The following BCR variants were observed in gnomAD, a reference collection of about 807,000 sequenced individuals.
The protein encoded by BCR is BCR activator of RhoGEF and GTPase.
BCR carries 58 observed loss-of-function variants against 138.6 expected under a neutral mutation model. The ratio of observed to expected loss-of-function variants is 0.42; its 90% CI spans 0.34 to 0.52. The LOEUF (loss-of-function observed/expected upper bound fraction) is 0.52. Ranked by LOEUF, BCR falls within the 20% of genes least tolerant of loss-of-function variation. BCR has a pLI of 0.06. For missense variants in BCR, 1,599 were observed against 1,727.2 expected (o/e 0.93, Z 1.32); for synonymous variants, 786 against 730.1 (o/e 1.08, Z -1.23).
chr22:23,210,398 C>CA (rs1273196249), intron 1 of BCR, among the ~76,000 whole-genome samples: 1 of 143,258 alleles, frequency 7.0e-6, no homozygotes, highest in East Asian at 2.0e-4. Flanking sequence ...GCCTGGGTGA[C>CA]AGAGTAAGAC....
rs116559153 is a variant in BCR at position 23,223,366 on chromosome 22, A to C, written c.1280-30433A>C. On this transcript the variant is annotated intron_variant, in intron 1 of 22. Transcript: ENST00000305877. ...TGTCCATGTATGGCTGTGTGAGTGC[A>C]TGTGCCTGTGTGTGGCCCATTGGGG... Among the ~76,000 whole-genome samples, 794 of 152,236 alleles carry C rather than the reference A, an allele frequency of 5.2e-3. 6 individuals are homozygous for C. The highest frequency in any genetic ancestry group is 0.018 in the African/African-American group (756 of 41,526).
intron 16 of BCR, among the ~76,000 whole-genome samples, chr22:23,299,598 T>C (rs1031292944): frequency 1.3e-5 from 2 of 152,110 alleles, no homozygotes; most frequent in African/African-American, 4.8e-5. Flanking sequence ...CTTTGTCCAG[T>C]TCATTCTCTG....
At chr22:23,304,811 A>G (rs937392012) in intron 16 of BCR, among the ~76,000 whole-genome samples, 4 of 152,194 alleles carry the variant, frequency 2.6e-5, no homozygotes, top group Non-Finnish European at 5.9e-5. Context: ...GAAGAGAAGC[A>G]AAGAGTTAAA....
At chr22:23,282,618 C>G (rs1461249007) in intron 8 of BCR, among the ~76,000 whole-genome samples, 1 of 152,228 alleles carries the variant, frequency 6.6e-6, no homozygotes, top group African/African-American at 2.4e-5. Context: ...GAACCTCAGG[C>G]TGCAGGTGAC....
rs192662014 is a variant in BCR at position 23,314,802 on chromosome 22, T to G, written c.3726+88T>G. 2.3e-3 allele frequency: 3,473 copies of G among 1,500,760 alleles called. 10 individuals are homozygous for G. The highest frequency in any genetic ancestry group is 0.015 in the Admixed American group (882 of 56,916). 93.0% of individuals were successfully genotyped at this position (1,500,760 alleles called of 1,614,324 possible). A position where few individuals can be genotyped will look rare whatever the true frequency, so the allele number is the denominator to read the frequency against. ...CCACCCCCAGTCCTGCCCATCTTCT[T>G]ACTTGCATTGTATGTGGTGTGGCCA... On this transcript the variant is annotated intron_variant, in intron 22 of 22. Coordinates refer to ENST00000305877, the MANE Select transcript of BCR (RefSeq NM_004327.4).
chr22:23,225,135 G>C (rs1473205650), intron 1 of BCR, among the ~76,000 whole-genome samples: 2 of 151,970 alleles, frequency 1.3e-5, no homozygotes, highest in Non-Finnish European at 2.9e-5. Context: ...TCAATGAAAG[G>C]AACAGTCCAG....
At chr22:23,232,347 G>T (rs796384731) in intron 1 of BCR, among the ~76,000 whole-genome samples, 15 of 152,352 alleles carry the variant, frequency 9.8e-5, no homozygotes, top group African/African-American at 3.6e-4. Flanking sequence ...ACGTGCTAAG[G>T]TCACCCACCT....
intron 1 of BCR, among the ~76,000 whole-genome samples, chr22:23,190,483 A>G (rs1291328980): frequency 6.6e-6 from 1 of 152,160 alleles, no homozygotes; most frequent in Non-Finnish European, 1.5e-5. Flanking sequence ...TTCCCTTCTT[A>G]AAAGGACACC....
rs60094959 is a variant in BCR at position 23,253,929 on chromosome 22, C to T, written c.1410C>T (p.Gly470=). The change falls in exon 2 of 23, where the codon GGC becomes GGT. Residue 470 remains glycine, a synonymous_variant. Transcript: ENST00000305877. The part of the protein sequence containing the change: ...PSSSPHLSSK[G]RGSRDALVSG... ...CATCGCCCCACCTCAGCAGCAAGGG[C>T]AGGGGCAGCCGGGATGCGCTGGTCT... is the stretch of plus-strand genomic sequence containing the variant. The T allele has an allele frequency of 1.1e-5, 17 of 1,613,132 alleles. No homozygotes were observed. The highest frequency in any genetic ancestry group is 8.0e-5 in the African/African-American group (6 of 75,002).
intron 1 of BCR, chr22:23,199,301 C>T (rs2071436): frequency 0.25 from 129,978 of 517,964 alleles, 17,697 homozygotes; most frequent in East Asian, 0.36. Context: ...GAGGAAGCAT[C>T]GGAGACTGGG....
intron 4 of BCR, among the ~76,000 whole-genome samples, chr22:23,262,533 C>T (rs1181859754): frequency 6.6e-6 from 1 of 152,226 alleles, no homozygotes; most frequent in Non-Finnish European, 1.5e-5. Context: ...TACATGCTGC[C>T]CCCTCCATCT....
intron 1 of BCR, among the ~76,000 whole-genome samples, chr22:23,231,506 C>CATAAAATAAAAAAAA (rs2072957969): frequency 7.8e-6 from 1 of 128,798 alleles, no homozygotes; most frequent in Non-Finnish European, 1.6e-5. Flanking sequence ...GACCCCGTCT[C>CATAAAATAAAAAAAA]ATAAAATAAA....
intron 1 of BCR, among the ~76,000 whole-genome samples, chr22:23,221,235 G>A (rs1223429758): frequency 6.6e-5 from 10 of 152,170 alleles, no homozygotes; most frequent in Middle Eastern, 3.2e-3. Flanking sequence ...GCATCAGGCC[G>A]AGACTTCAGG....
chr22:23,212,926 G>C (rs1357339019), intron 1 of BCR, among the ~76,000 whole-genome samples: 2 of 152,204 alleles, frequency 1.3e-5, no homozygotes, highest in Admixed American at 6.5e-5. Context: ...AGAAAACTTG[G>C]CAATGTGAGG....
chr22:23,300,374 T>C (rs897823312), intron 16 of BCR, among the ~76,000 whole-genome samples: 1 of 152,252 alleles, frequency 6.6e-6, no homozygotes, highest in African/African-American at 2.4e-5. Context: ...TGTTGTAGAA[T>C]GTGTCAGAAT....
At chr22:23,206,682 A>G (rs945188351) in intron 1 of BCR, among the ~76,000 whole-genome samples, 6 of 152,176 alleles carry the variant, frequency 3.9e-5, no homozygotes, top group African/African-American at 1.4e-4. Context: ...AACCTTTTCA[A>G]GCCCCAAGAT....
Position 23,285,151 on chromosome 22 carries a change from G to T in BCR, c.2356G>T (p.Ala786Ser). The stretch of plus-strand genomic sequence containing the variant: ...CCTGGTGCCCGATGAGGAGCTGGAC[G>T]CTTTGAAGATCAAGATCTCCCAGAT... ...IPLVPDEELD[A>S]LKIKISQIKN... Residue 786 changes from alanine (A) to serine (S), a missense_variant, in exon 10 of 23, where the codon GCT (alanine) becomes TCT (serine). Around this residue, in one of 4 missense-constraint regions of BCR, gnomAD observed 590 missense variants for 762.4 expected, o/e 0.77. Transcript: ENST00000305877. 6.2e-7 allele frequency: 1 copy of T among 1,613,906 alleles called. No homozygotes were observed.
chr22:23,266,665 C>G (rs997133049), intron 4 of BCR, among the ~76,000 whole-genome samples: 5 of 152,260 alleles, frequency 3.3e-5, no homozygotes, highest in African/African-American at 1.2e-4. Context: ...GCTAGGATTA[C>G]AGGCCGCCGT....
chr22:23,182,026 A>G lies in BCR; in HGVS notation c.1066A>G (p.Ser356Gly), dbSNP rs1037535852. The G allele has an allele frequency of 6.2e-7, 1 of 1,613,160 alleles. No homozygotes were observed. The highest frequency in any genetic ancestry group is 8.5e-7 in the Non-Finnish European group (1 of 1,179,466). The stretch of plus-strand genomic sequence containing the variant: ...TGGCCAGTCCAGCCGCGTGTCCCCA[A>G]GCCCCACCACCTACCGCATGTTCCG... Reference protein sequence around the residue: ...SSGQSSRVSPSPTTYRMFRDK... With the variant: ...SSGQSSRVSPGPTTYRMFRDK... Residue 356 changes from serine (S) to glycine (G), a missense_variant, in exon 1 of 23, where the codon AGC (serine) becomes GGC (glycine). Ser to Gly is a moderately conservative substitution (Grantham distance 56). This residue lies in a region of BCR where 806 missense variants were observed against 635.0 expected (regional missense o/e 1.27). Coordinates refer to ENST00000305877, the MANE Select transcript of BCR (RefSeq NM_004327.4).
Sources: allele counts gnomAD v4.1 joint callset (sites outside exome capture counted in the v4.1 genomes callset), GRCh38; gene constraint gnomAD v4.1.1; regional missense constraint gnomAD v4.1.1; transcripts MANE v1.5; gene names NCBI Gene and HGNC (gene_info 2026-07-23, HGNC 2026-07-21).